The following VPS53 variants were observed in gnomAD, a reference collection of about 807,000 sequenced individuals.
VPS53 encodes the protein vacuolar protein sorting-associated protein 53 homolog.
Under a neutral mutation model 107.0 loss-of-function variants are expected in VPS53, and 70 were observed. The ratio of observed to expected loss-of-function variants is 0.65; its 90% CI spans 0.54 to 0.80. The LOEUF (loss-of-function observed/expected upper bound fraction) is 0.80. Among genes scored for constraint, VPS53 ranks in the 30% least tolerant of loss-of-function variants. The pLI, the probability that VPS53 is intolerant of heterozygous loss-of-function variation, is 0.00. For missense variants in VPS53, 917 were observed against 1,049.4 expected, an observed-to-expected ratio of 0.87 and a Z score of 1.74; for synonymous variants, 409 against 393.3, an observed-to-expected ratio of 1.04 and a Z score of -0.47.
intron 2 of VPS53, among the ~76,000 whole-genome samples, chr17:703,535 G>T (rs1469327049): frequency 2.0e-5 from 3 of 152,208 alleles, no homozygotes; most frequent in Non-Finnish European, 4.4e-5. Context: ...ATCCACATTG[G>T]CTGGGCAGAG....
rs193188092 is a variant in VPS53 at position 570,253 on chromosome 17, C to T, written c.1314-7508G>A. Among the ~76,000 whole-genome samples the T allele has an allele frequency of 4.2e-3, 634 of 151,334 alleles. 6 individuals carry two copies. The highest frequency in any genetic ancestry group is 0.015 in the African/African-American group (609 of 41,238). ...GGTGCAGTGGCGGGTACCTGTAATC[C>T]CAGCTACTCAGGAGGCTGAGGCAGG... On this transcript the variant is annotated intron_variant, in intron 13 of 21. Coordinates refer to ENST00000437048, the MANE Select transcript of VPS53 (RefSeq NM_001128159.3).
intron 7 of VPS53, among the ~76,000 whole-genome samples, chr17:634,810 G>A (rs922271844): frequency 2.6e-5 from 4 of 151,552 alleles, no homozygotes; most frequent in African/African-American, 9.7e-5. Flanking sequence ...GGACATTTGG[G>A]TTGGTTCCAA....
intron 19 of VPS53, 66 bp from the exon 20 acceptor site, chr17:521,804 C>A: frequency 7.3e-7 from 1 of 1,367,702 alleles, no homozygotes; most frequent in South Asian, 1.8e-5. Flanking sequence ...GGACTCATGC[C>A]GATGAGTCAT....
At chr17:632,399 T>C (rs376450) in intron 7 of VPS53, among the ~76,000 whole-genome samples, 2,226 of 152,192 alleles carry the variant, frequency 0.015, 30 homozygotes, top group Non-Finnish European at 0.022. Flanking sequence ...ATAATCATTA[T>C]ATATATATTT....
intron 17 of VPS53, among the ~76,000 whole-genome samples, chr17:547,488 C>T (rs1332431852): frequency 6.6e-6 from 1 of 152,080 alleles, no homozygotes. Context: ...TCTATAGAGA[C>T]AGAAAGTAGG....
At chr17:627,408 G>A in intron 9 of VPS53, 92 bp from the exon 10 acceptor site, 5 of 1,405,472 alleles carry the variant, frequency 3.6e-6, no homozygotes, top group Non-Finnish European at 4.8e-6. Flanking sequence ...CCAAGCAAAA[G>A]GGAACCAACC....
At chr17:552,928 C>A (rs151238346) in intron 16 of VPS53, 13 of 371,252 alleles carry the variant, frequency 3.5e-5, no homozygotes, top group Admixed American at 1.3e-4. Flanking sequence ...TATATACGTG[C>A]CGCACGCTGC....
Position 618,233 on chromosome 17 carries a change from C to T in VPS53, c.1116+5300G>A, listed in dbSNP as rs8069257. Among the ~76,000 whole-genome samples the T allele has an allele frequency of 1.5e-3, 110 of 71,038 alleles. 2 individuals are homozygous for T. The highest frequency in any genetic ancestry group is 2.9e-3 in the Non-Finnish European group (81 of 28,284). The allele number at this position is 71,038 out of a possible 152,430, so 46.6% of individuals were successfully genotyped here. A position where few individuals can be genotyped will look rare whatever the true frequency, so the allele number is the denominator to read the frequency against. On this transcript the variant is annotated intron_variant, in intron 11 of 21. Transcript: ENST00000437048. ...CGCCCCACTAATATTTCCCGGGTAG[C>T]TGGGACTACAGGCGTGCACCACCAC...
chr17:640,844 CA>C (rs1208507580), intron 7 of VPS53, among the ~76,000 whole-genome samples: 2 of 152,010 alleles, frequency 1.3e-5, no homozygotes, highest in Non-Finnish European at 2.9e-5. Context: ...ATGTTTCCAA[CA>C]GCAGTTTTTT....
At position 517,494 on chromosome 17, in the gene VPS53, T is replaced by C. The variant is rs1019875841; in HGVS notation, c.*1634A>G. ...ATTCCTACTGTACGGCTGTTACAAG[T>C]TTTATGGATTTTAAGGAAATTTCCT... On this transcript the variant is annotated 3_prime_UTR_variant, in exon 22 of 22. Transcript: ENST00000437048. 3 of 398,422 alleles carry C rather than the reference T, an allele frequency of 7.5e-6. No homozygotes were observed. Among genetic ancestry groups the C allele is most frequent in the African/African-American group, 6.2e-5 (3 of 48,584 alleles). The allele number at this position is 398,422 out of a possible 1,614,324, so 24.7% of individuals were successfully genotyped here.
intron 15 of VPS53, 81 bp from the exon 16 acceptor site, chr17:553,543 G>T: frequency 9.5e-7 from 1 of 1,058,178 alleles, no homozygotes; most frequent in Non-Finnish European, 1.4e-6. Flanking sequence ...AACATTTACT[G>T]CGTTTGATGA....
chr17:627,300 T>C lies in VPS53; in HGVS notation c.848A>G (p.Lys283Arg). 1.2e-6 allele frequency: 2 copies of C among 1,613,536 alleles called. No homozygotes were observed. Among genetic ancestry groups the C allele is most frequent in the East Asian group, 2.2e-5 (1 of 44,860 alleles). The change falls in exon 10 of 22, where the codon AAA becomes AGA. Residue 283 changes from lysine to arginine, a missense_variant. Coordinates refer to ENST00000437048, the MANE Select transcript of VPS53 (RefSeq NM_001128159.3). The part of the protein sequence containing the change: ...QENQDVAWLD[K>R]IDRRYAWIKR... ...TATCCAGGCATAGCGTCTGTCGATT[T>C]TGTCCAGCCAGGCAACCTGGTGAAG...
At chr17:561,772 G>C (rs1036195322) in intron 14 of VPS53, among the ~76,000 whole-genome samples, 3 of 152,170 alleles carry the variant, frequency 2.0e-5, no homozygotes, top group African/African-American at 7.2e-5. Flanking sequence ...CGGGACTACA[G>C]GCATGCACCA....
At chr17:541,584 G>A (rs1315521024) in intron 17 of VPS53, among the ~76,000 whole-genome samples, 3 of 151,076 alleles carry the variant, frequency 2.0e-5, no homozygotes, top group African/African-American at 7.3e-5. Context: ...CACCTACCAC[G>A]CACCAGGTGC....
intron 4 of VPS53, among the ~76,000 whole-genome samples, chr17:694,381 C>T (rs900036399): frequency 6.6e-6 from 1 of 152,132 alleles, no homozygotes; most frequent in African/African-American, 2.4e-5. Flanking sequence ...CGCTAGTTTG[C>T]AAGAGTCCAG....
chr17:521,514 T>C (rs751390061), intron 20 of VPS53, 87 bp downstream of exon 20: 12 of 1,385,998 alleles, frequency 8.7e-6, no homozygotes, highest in Admixed American at 2.7e-5. Flanking sequence ...CCGGTGAGGA[T>C]AGGACCTACC....
intron 12 of VPS53, among the ~76,000 whole-genome samples, chr17:588,723 G>C (rs1208802260): frequency 6.6e-6 from 1 of 152,182 alleles, no homozygotes; most frequent in Non-Finnish European, 1.5e-5. Flanking sequence ...GCCAGGCCTT[G>C]GACTGAGCCC....
chr17:583,262 C>A (rs1462452677), intron 13 of VPS53, among the ~76,000 whole-genome samples: 1 of 150,906 alleles, frequency 6.6e-6, no homozygotes, highest in African/African-American at 2.4e-5. Flanking sequence ...TCAGTGCATT[C>A]CCAGAGAACC....
chr17:554,219 G>C (rs889201042), intron 15 of VPS53, among the ~76,000 whole-genome samples: 2 of 152,034 alleles, frequency 1.3e-5, no homozygotes, highest in African/African-American at 4.8e-5. Flanking sequence ...GGGATACAGT[G>C]GTAAACAAAA....
Sources: allele counts gnomAD v4.1 joint callset (sites outside exome capture counted in the v4.1 genomes callset), GRCh38; gene constraint gnomAD v4.1.1; transcripts MANE v1.5; gene names NCBI Gene and HGNC (gene_info 2026-07-23, HGNC 2026-07-21).